Variants in MAP4K5 observed in about 807,000 individuals in gnomAD.
MAP4K5 encodes MAPK/ERK kinase kinase kinase 5.
MAP4K5 carries 82 observed loss-of-function variants against 135.6 expected under a neutral mutation model. That is an observed-to-expected ratio of 0.60 (90% confidence interval 0.51 to 0.73). MAP4K5 has a LOEUF of 0.73. MAP4K5 is among the 30% of genes least tolerant of loss of function. The probability of loss-of-function intolerance (pLI) is 0.00; values close to 1 mark genes in which losing one functional copy is unlikely to be tolerated. For synonymous variants in MAP4K5, 347 were observed against 335.0 expected, an observed-to-expected ratio of 1.04 and a Z score of -0.39; for missense variants, 907 against 1,010.9, an observed-to-expected ratio of 0.90 and a Z score of 1.39.
chr14:50,493,323 C>T (rs770437122), intron 3 of MAP4K5, among the ~76,000 whole-genome samples: 9 of 152,128 alleles, frequency 5.9e-5, no homozygotes, highest in Non-Finnish European at 8.8e-5. Flanking sequence ...CAGGCTGACA[C>T]CATGAGCATT....
chr14:50,515,114 G>T (rs538027962), intron 2 of MAP4K5, among the ~76,000 whole-genome samples: 5 of 152,162 alleles, frequency 3.3e-5, no homozygotes, highest in Admixed American at 6.5e-5. Flanking sequence ...ATGTTGGCCA[G>T]GATGGTCTCG....
Position 50,434,160 on chromosome 14 carries a change from T to C in MAP4K5, c.2164+234A>G, listed in dbSNP as rs74318919. Reference sequence around the variant, plus strand: ...AGATTCACTGGTAAGAACTAAGACTTTTCACTGTCAGGAATCATTAAAAAT... The same window carrying C: ...AGATTCACTGGTAAGAACTAAGACTCTTCACTGTCAGGAATCATTAAAAAT... On this transcript the variant is annotated intron_variant, in intron 28 of 32. Coordinates refer to ENST00000682126, the MANE Select transcript of MAP4K5 (RefSeq NM_006575.6). 4.1e-3 allele frequency among the ~76,000 whole-genome samples: 626 copies of C among 152,300 alleles called. 1 individual carries two copies. The highest frequency in any genetic ancestry group is 6.8e-3 in the Middle Eastern group (2 of 294).
intron 3 of MAP4K5, among the ~76,000 whole-genome samples, chr14:50,494,102 G>A (rs1199988383): frequency 6.6e-6 from 1 of 151,892 alleles, no homozygotes; most frequent in Non-Finnish European, 1.5e-5. Context: ...TATTAAAGAT[G>A]ACACAAATAA....
intron 8 of MAP4K5, among the ~76,000 whole-genome samples, chr14:50,475,875 A>AT (rs1418278040): frequency 6.6e-6 from 1 of 152,186 alleles, no homozygotes; most frequent in Non-Finnish European, 1.5e-5. Flanking sequence ...CTAGACTTAC[A>AT]TTTGCATTTT....
chr14:50,519,982 G>C (rs1240969491), intron 2 of MAP4K5, among the ~76,000 whole-genome samples: 2 of 152,144 alleles, frequency 1.3e-5, no homozygotes, highest in African/African-American at 4.8e-5. Context: ...TTCTGATTTG[G>C]ATACATGAAG....
At chr14:50,523,675 C>T (rs1418024126) in intron 2 of MAP4K5, among the ~76,000 whole-genome samples, 1 of 152,126 alleles carries the variant, frequency 6.6e-6, no homozygotes, top group Admixed American at 6.6e-5. Flanking sequence ...CTTTAATCTC[C>T]TTGTAACGTA....
intron 6 of MAP4K5, among the ~76,000 whole-genome samples, chr14:50,477,404 T>A (rs2037125799): frequency 6.6e-6 from 1 of 152,220 alleles, no homozygotes; most frequent in African/African-American, 2.4e-5. Context: ...CAGATGATGA[T>A]GTGGTCTGTG....
chr14:50,537,446 A>G (rs1156528495), upstream of MAP4K5, among the ~76,000 whole-genome samples: 2 of 152,242 alleles, frequency 1.3e-5, no homozygotes, highest in Non-Finnish European at 2.9e-5. Flanking sequence ...CAGAGCCCCC[A>G]GACAGAGTTC....
At chr14:50,490,759 T>A (rs528015118) in intron 3 of MAP4K5, among the ~76,000 whole-genome samples, 2 of 152,204 alleles carry the variant, frequency 1.3e-5, no homozygotes, top group African/African-American at 2.4e-5. Flanking sequence ...GTTTCACAGC[T>A]CTGAATACAA....
upstream of MAP4K5, among the ~76,000 whole-genome samples, chr14:50,535,803 T>C (rs2038483841): frequency 6.6e-6 from 1 of 152,220 alleles, no homozygotes; most frequent in African/African-American, 2.4e-5. Context: ...ATGTTACTGA[T>C]ATGGTTTGTC....
chr14:50,444,810 G>A (rs1318780905), intron 18 of MAP4K5, among the ~76,000 whole-genome samples: 1 of 152,124 alleles, frequency 6.6e-6, no homozygotes, highest in East Asian at 1.9e-4. Context: ...TAAATATTTA[G>A]TAAGGATTCA....
At chr14:50,524,328 C>T (rs1013889863) in intron 2 of MAP4K5, among the ~76,000 whole-genome samples, 1 of 152,130 alleles carries the variant, frequency 6.6e-6, no homozygotes, top group African/African-American at 2.4e-5. Flanking sequence ...CATACCTCAA[C>T]TCTACTCTTA....
At chr14:50,483,060 A>G (rs1352169562) in intron 5 of MAP4K5, 1 of 152,238 alleles carries the variant, frequency 6.6e-6, no homozygotes, top group Non-Finnish European at 1.5e-5. Flanking sequence ...CAATTTTTCA[A>G]AAATAAAGAA....
chr14:50,494,805 A>G (rs1266744592), intron 3 of MAP4K5, among the ~76,000 whole-genome samples: 1 of 152,228 alleles, frequency 6.6e-6, no homozygotes, highest in Non-Finnish European at 1.5e-5. Flanking sequence ...ATGATCTTCA[A>G]CAAGGGTATC....
intron 13 of MAP4K5, among the ~76,000 whole-genome samples, chr14:50,462,040 G>C (rs1043498480): frequency 6.6e-6 from 1 of 152,068 alleles, no homozygotes; most frequent in Non-Finnish European, 1.5e-5. Context: ...TACTGAAAAG[G>C]ATAACATTTT....
At chr14:50,461,985 T>G (rs1264572948) in intron 13 of MAP4K5, among the ~76,000 whole-genome samples, 1 of 152,052 alleles carries the variant, frequency 6.6e-6, no homozygotes, top group Non-Finnish European at 1.5e-5. Flanking sequence ...AGCACAGTTA[T>G]GAATAGCCCT....
intron 14 of MAP4K5, 180 bp downstream of exon 14, chr14:50,456,336 C>T: frequency 1.8e-6 from 1 of 549,532 alleles, no homozygotes; most frequent in Non-Finnish European, 3.2e-6. Flanking sequence ...AAAAATTATT[C>T]AGAAATTACA....
At chr14:50,511,322 C>G (rs557828432) in intron 2 of MAP4K5, among the ~76,000 whole-genome samples, 1 of 152,240 alleles carries the variant, frequency 6.6e-6, no homozygotes, top group East Asian at 1.9e-4. Context: ...TTAACCATCA[C>G]ATGTTCTCAC....
chr14:50,423,801 A>G (rs749415148), intron 31 of MAP4K5, among the ~76,000 whole-genome samples: 16 of 152,302 alleles, frequency 1.1e-4, no homozygotes, highest in Middle Eastern at 3.4e-3. Flanking sequence ...GAGGGTGCTC[A>G]GCCATGTGCA....
Sources: allele counts gnomAD v4.1 joint callset (sites outside exome capture counted in the v4.1 genomes callset), GRCh38; gene constraint gnomAD v4.1.1; transcripts MANE v1.5; gene names NCBI Gene and HGNC (gene_info 2026-07-23, HGNC 2026-07-21).